The following SVEP1 variants were observed in gnomAD, a reference collection of about 807,000 sequenced individuals.
SVEP1 encodes the protein sushi, von Willebrand factor type A, EGF and pentraxin domain-containing protein 1.
Under a neutral mutation model 367.3 loss-of-function variants are expected in SVEP1, and 164 were observed. The ratio of observed to expected loss-of-function variants is 0.45; its 90% CI spans 0.39 to 0.51. The LOEUF is 0.51. Ranked by LOEUF, SVEP1 falls within the 20% of genes least tolerant of loss-of-function variation. The pLI is 0.00. For synonymous variants in SVEP1, 1,666 were observed against 1,611.6 expected, an observed-to-expected ratio of 1.03 and a Z score of -0.81; for missense variants, 4,117 against 4,425.3, an observed-to-expected ratio of 0.93 and a Z score of 1.98.
rs575413496 is a variant in SVEP1 at position 110,558,314 on chromosome 9, T to C, written c.532-8210A>G. Among the ~76,000 whole-genome samples the C allele has an allele frequency of 2.8e-3, 317 of 113,880 alleles. 2 individuals are homozygous for C. Among genetic ancestry groups the C allele is most frequent in the African/African-American group, 9.8e-3 (287 of 29,212 alleles). The allele number at this position is 113,880 out of a possible 152,430, so 74.7% of individuals were successfully genotyped here. A position where few individuals can be genotyped will look rare whatever the true frequency, so the allele number is the denominator to read the frequency against. The stretch of plus-strand genomic sequence containing the variant: ...GAGTTCAAGACCAGGCTGGGCAACA[T>C]GGAGAAACCCTGTCTCTACAAAAAA... On this transcript the variant is annotated intron_variant, in intron 1 of 47. Coordinates refer to ENST00000374469, the MANE Select transcript of SVEP1 (RefSeq NM_153366.4).
At chr9:110,387,655 A>G (rs905977778) in intron 41 of SVEP1, among the ~76,000 whole-genome samples, 197 bp from the exon 42 acceptor site, 4 of 152,222 alleles carry the variant, frequency 2.6e-5, no homozygotes, top group Non-Finnish European at 5.9e-5. Context: ...GCAATTAAAG[A>G]TTGGGAGTTA....
In SVEP1 at chr9:110,482,424, G is replaced by A; in HGVS notation, c.2107C>T (p.Gln703Ter). The A allele has an allele frequency of 6.2e-7, 1 of 1,609,950 alleles. No individual in the cohort carries two copies. The highest frequency in any genetic ancestry group is 8.5e-7 in the Non-Finnish European group (1 of 1,178,060). ...DLFPQGETIV[Q>*]YTATDPSGNN... ...CCTGAGGGGTCAGTGGCTGTATACT[G>A]TACTATAGTCTCCCCTTGAGGGAAA... The change falls in exon 11 of 48, where the codon CAG becomes TAG. Residue 703 changes from glutamine (Q) to a stop codon, truncating the protein, a stop_gained. Transcript: ENST00000374469. LOFTEE classifies it high-confidence loss of function.
At chr9:110,516,834 A>G (rs4403484) in intron 3 of SVEP1, among the ~76,000 whole-genome samples, 111,592 of 152,128 alleles carry the variant, frequency 0.73, 41,702 homozygotes, top group Middle Eastern at 0.84. Flanking sequence ...AGTAATGGTT[A>G]TGATATTAAT....
chr9:110,457,867 C>T (rs1401461045), intron 20 of SVEP1, among the ~76,000 whole-genome samples: 3 of 152,090 alleles, frequency 2.0e-5, no homozygotes, highest in Admixed American at 6.6e-5. Flanking sequence ...AGAAAAATAT[C>T]CCCATTATCC....
intron 1 of SVEP1, among the ~76,000 whole-genome samples, chr9:110,570,275 G>A (rs1186997045): frequency 6.6e-6 from 1 of 152,160 alleles, no homozygotes; most frequent in Non-Finnish European, 1.5e-5. Flanking sequence ...GCTTACTAGA[G>A]AAAAGATGAA....
chr9:110,397,492 A>G (rs965918078), intron 40 of SVEP1, among the ~76,000 whole-genome samples: 3 of 152,194 alleles, frequency 2.0e-5, no homozygotes, highest in Non-Finnish European at 2.9e-5. Context: ...AGTTCTGGCC[A>G]GGGCAATCAG....
At chr9:110,498,917 G>A in intron 7 of SVEP1, 124 bp downstream of exon 7, 1 of 713,012 alleles carries the variant, frequency 1.4e-6, no homozygotes, top group Non-Finnish European at 2.1e-6. Context: ...AGGATATTGG[G>A]GTAGCACCTA....
chr9:110,475,937 G>C (rs34764210), intron 14 of SVEP1: 21,817 of 322,814 alleles, frequency 0.068, 962 homozygotes, highest in Non-Finnish European at 0.087. Flanking sequence ...ATCAACATTT[G>C]AATTTTACCA....
intron 28 of SVEP1, among the ~76,000 whole-genome samples, chr9:110,435,950 AC>A (rs1310531641): frequency 1.3e-5 from 2 of 151,748 alleles, no homozygotes; most frequent in African/African-American, 4.8e-5. Flanking sequence ...TGGGATTTGA[AC>A]CCCAGCTGTT....
intron 8 of SVEP1, among the ~76,000 whole-genome samples, chr9:110,495,481 C>G (rs1337916108): frequency 6.6e-6 from 1 of 152,136 alleles, no homozygotes; most frequent in East Asian, 1.9e-4. Context: ...AACACACAAA[C>G]CACCTAAAGT....
chr9:110,399,230 C>A (rs1036337978), intron 40 of SVEP1, among the ~76,000 whole-genome samples: 5 of 151,600 alleles, frequency 3.3e-5, no homozygotes, highest in Non-Finnish European at 7.4e-5. Flanking sequence ...TTATTCTCAG[C>A]AAACTATCCC....
At chr9:110,428,729 T>G (rs549435029) in intron 35 of SVEP1, among the ~76,000 whole-genome samples, 1 of 152,020 alleles carries the variant, frequency 6.6e-6, no homozygotes, top group East Asian at 1.9e-4. Flanking sequence ...CATCCTCATA[T>G]TTATAAATTT....
chr9:110,375,489 A>AAG, intron 45 of SVEP1, 26 bp from the exon 46 acceptor site: 1 of 1,362,668 alleles, frequency 7.3e-7, no homozygotes. Flanking sequence ...AAAAAAAAAA[A>AAG]AGGAGGCAGG....
chr9:110,380,917 G>T (rs887658557), intron 43 of SVEP1, among the ~76,000 whole-genome samples: 3 of 152,136 alleles, frequency 2.0e-5, no homozygotes, highest in Admixed American at 1.3e-4. Flanking sequence ...TTCAGTCTTG[G>T]AAGGGTATAT....
intron 3 of SVEP1, among the ~76,000 whole-genome samples, chr9:110,541,826 T>TATATCTATATACATAG (rs1403617667): frequency 1.4e-5 from 2 of 142,182 alleles, no homozygotes; most frequent in Non-Finnish European, 3.1e-5. Flanking sequence ...GATATCTATA[T>TATATCTATATACATAG]ATATCTATAT....
At chr9:110,423,013 T>C in intron 36 of SVEP1, among the ~76,000 whole-genome samples, 1 of 132,558 alleles carries the variant, frequency 7.5e-6, no homozygotes, top group East Asian at 2.0e-4. Context: ...GAGATATACC[T>C]AATGCTAGAT....
chr9:110,423,168 T>TAAAAAAAAAAAAA, intron 36 of SVEP1, among the ~76,000 whole-genome samples: 13 of 103,644 alleles, frequency 1.3e-4, no homozygotes, highest in Non-Finnish European at 2.0e-4. Flanking sequence ...AAAAATAAAG[T>TAAAAAAAAAAAAA]AAAAAAAAAA....
intron 27 of SVEP1, among the ~76,000 whole-genome samples, chr9:110,440,740 A>T: frequency 6.6e-6 from 1 of 152,164 alleles, no homozygotes; most frequent in East Asian, 1.9e-4. Context: ...AATGCCAGAA[A>T]GAATTGTCTA....
intron 20 of SVEP1, 74 bp from the exon 21 acceptor site, chr9:110,457,426 G>C (rs1004928479): frequency 1.7e-6 from 2 of 1,201,800 alleles, no homozygotes; most frequent in Non-Finnish European, 2.4e-6. Context: ...ATTAGAGTCA[G>C]GTTTGCAACA....
Sources: allele counts gnomAD v4.1 joint callset (sites outside exome capture counted in the v4.1 genomes callset), GRCh38; gene constraint gnomAD v4.1.1; transcripts MANE v1.5; gene names NCBI Gene and HGNC (gene_info 2026-07-23, HGNC 2026-07-21).